The following DCHS2 variants were observed in gnomAD, a reference collection of about 807,000 sequenced individuals.
DCHS2 encodes the protein dachsous cadherin-related 2, also known as protocadherin-23.
Under a neutral mutation model 182.4 loss-of-function variants are expected in DCHS2, and 142 were observed. The observed-to-expected ratio is 0.78, with a 90% confidence interval of 0.68 to 0.89. The LOEUF is 0.89. Ranked by LOEUF, DCHS2 falls within the 40% of genes least tolerant of loss-of-function variation. The pLI is 0.00. For missense variants in DCHS2, 4,319 were observed against 4,198.6 expected, an observed-to-expected ratio of 1.03 and a Z score of -0.79; for synonymous variants, 1,740 against 1,663.3, an observed-to-expected ratio of 1.05 and a Z score of -1.12.
intron 13 of DCHS2, among the ~76,000 whole-genome samples, chr4:154,291,996 G>T (rs1349963191): frequency 6.6e-6 from 1 of 152,012 alleles, no homozygotes; most frequent in East Asian, 1.9e-4. Flanking sequence ...TGAGGAGATG[G>T]ATACTCCATT....
intron 1 of DCHS2, among the ~76,000 whole-genome samples, chr4:154,410,674 A>G (rs1029928260): frequency 6.6e-5 from 10 of 151,780 alleles, no homozygotes; most frequent in Admixed American, 2.0e-4. Flanking sequence ...TTGCAGAAAG[A>G]GAAGAGAAAA....
chr4:154,333,478 G>C lies in DCHS2; in HGVS notation c.2730C>G (p.Ile910Met). ...AREPLNSSEP[I>M]FYRISSGDLG... ...GATCACCAGAAGAAATCCTGTAAAA[G>C]ATTGGTTCTGAGGAGTCTGAAAAAG... Residue 910 changes from isoleucine to methionine, a missense_variant, in exon 5 of 20, where the codon ATC becomes ATG. Physicochemically the swap from Ile to Met is conservative, Grantham distance 10 (BLOSUM62 1). Transcript: ENST00000357232. 6.2e-7 allele frequency: 1 copy of C among 1,612,690 alleles called. No homozygotes were observed. The highest frequency in any genetic ancestry group is 8.5e-7 in the Non-Finnish European group (1 of 1,179,168).
chr4:154,425,056 G>A (rs1733266567), intron 1 of DCHS2, among the ~76,000 whole-genome samples: 2 of 152,216 alleles, frequency 1.3e-5, no homozygotes, highest in Admixed American at 1.3e-4. Context: ...GACAGCAGCA[G>A]ATAAACAGGA....
intron 1 of DCHS2, among the ~76,000 whole-genome samples, chr4:154,387,370 AAT>A (rs1297358734): frequency 6.6e-6 from 1 of 151,562 alleles, no homozygotes; most frequent in African/African-American, 2.4e-5. Context: ...CAGGCAGATC[AAT>A]AGAACACAAA....
chr4:154,251,708 G>A (rs1368748222), intron 16 of DCHS2, among the ~76,000 whole-genome samples: 5 of 151,984 alleles, frequency 3.3e-5, no homozygotes, highest in African/African-American at 7.2e-5. Flanking sequence ...TAGTTGAGAC[G>A]GGGTTTTGCC....
intron 1 of DCHS2, among the ~76,000 whole-genome samples, chr4:154,417,188 TGTGTGTGTGTGTGTGTGAGA>T (rs1732873359): frequency 1.8e-5 from 2 of 111,482 alleles, no homozygotes; most frequent in African/African-American, 3.6e-5. Context: ...TGTGTGTGTG[TGTGTGTGTGTGTGTGTGAGA>T]GAGAGAGAGA....
chr4:154,437,593 T>C (rs1733833662), intron 1 of DCHS2, among the ~76,000 whole-genome samples: 1 of 152,190 alleles, frequency 6.6e-6, no homozygotes, highest in African/African-American at 2.4e-5. Context: ...TTTTAGAATC[T>C]ATACAACCAA....
chr4:154,419,416 T>G (rs1427218248), intron 1 of DCHS2, among the ~76,000 whole-genome samples: 1 of 152,044 alleles, frequency 6.6e-6, no homozygotes, highest in East Asian at 1.9e-4. Flanking sequence ...TTTGTGAGGC[T>G]GAGGCGGGTG....
chr4:154,474,885 A>G (rs1465925578), intron 1 of DCHS2, among the ~76,000 whole-genome samples: 1 of 152,216 alleles, frequency 6.6e-6, no homozygotes, highest in Non-Finnish European at 1.5e-5. Context: ...ATTACAAGCT[A>G]CTATTATAAG....
Position 154,366,455 on chromosome 4 carries a change from G to A in DCHS2, c.2245-14C>T, listed in dbSNP as rs758389070. 6 of 1,581,564 alleles carry A rather than the reference G, an allele frequency of 3.8e-6. No individual in the cohort carries two copies. The highest frequency in any genetic ancestry group is 5.2e-6 in the Non-Finnish European group (6 of 1,152,806). ...ACTTAGCCCACCCTGGTGGATGAAT[G>A]AGTGGTGATTACAAATGGGTTTTTG... On this transcript the variant is annotated splice_polypyrimidine_tract_variant and intron_variant, in intron 2 of 19. Coordinates refer to ENST00000357232, the MANE Select transcript of DCHS2 (RefSeq NM_001358235.2).
In DCHS2 at chr4:154,231,812, C is replaced by T. The variant is rs958956426; in HGVS notation, c.*2724G>A. 1 of 152,098 alleles carries T rather than the reference C, an allele frequency of 6.6e-6. No individual in the cohort carries two copies. The highest frequency in any genetic ancestry group is 1.5e-5 in the Non-Finnish European group (1 of 67,994). The allele number at this position is 152,098 out of a possible 1,614,324, so 9.4% of individuals were successfully genotyped here. On this transcript the variant is annotated 3_prime_UTR_variant, in exon 20 of 20. Coordinates refer to ENST00000357232, the MANE Select transcript of DCHS2 (RefSeq NM_001358235.2). ...TAGATTGAATATGAATACATGGAGG[C>T]AGCCAGTAATGTAGAGTGCATTTTA...
chr4:154,303,872 T>A (rs908279696), intron 12 of DCHS2, among the ~76,000 whole-genome samples: 3 of 152,218 alleles, frequency 2.0e-5, no homozygotes, highest in Non-Finnish European at 4.4e-5. Context: ...CTGATTGTTG[T>A]CTTGCAAATA....
chr4:154,366,453 A>ATGAG lies in DCHS2; in HGVS notation c.2245-16_2245-13dup, dbSNP rs766466894. 1.3e-6 allele frequency: 2 copies of ATGAG among 1,583,484 alleles called. No homozygotes were observed. Among genetic ancestry groups the ATGAG allele is most frequent in the Non-Finnish European group, 1.7e-6 (2 of 1,154,596 alleles). ...GCACTTAGCCCACCCTGGTGGATGAATGAGTGGTGATTACAAATGGGTTTT... is the reference window on the plus strand; with the variant it reads ...GCACTTAGCCCACCCTGGTGGATGAATGAGTGAGTGGTGATTACAAATGGGTTTT... On this transcript the variant is annotated splice_polypyrimidine_tract_variant and intron_variant, in intron 2 of 19. Coordinates refer to ENST00000357232, the MANE Select transcript of DCHS2 (RefSeq NM_001358235.2).
At chr4:154,311,086 G>A (rs1295174604) in intron 10 of DCHS2, among the ~76,000 whole-genome samples, 1 of 152,150 alleles carries the variant, frequency 6.6e-6, no homozygotes, top group Non-Finnish European at 1.5e-5. Flanking sequence ...AGAGTAAAAG[G>A]TGGGAGAGTG....
intron 7 of DCHS2, among the ~76,000 whole-genome samples, chr4:154,325,069 A>T (rs1736224164): frequency 1.3e-5 from 2 of 152,166 alleles, no homozygotes; most frequent in Non-Finnish European, 1.5e-5. Context: ...TTCGATGAAC[A>T]CCAAAGTATC....
At chr4:154,404,773 C>G (rs922801001) in intron 1 of DCHS2, among the ~76,000 whole-genome samples, 1 of 152,164 alleles carries the variant, frequency 6.6e-6, no homozygotes, top group Non-Finnish European at 1.5e-5. Context: ...AAATATCTTC[C>G]TTTATCTGTG....
At chr4:154,308,209 A>T (rs1735526785) in intron 10 of DCHS2, among the ~76,000 whole-genome samples, 1 of 151,458 alleles carries the variant, frequency 6.6e-6, no homozygotes, top group South Asian at 2.1e-4. Context: ...TCTAGTTCTT[A>T]CCTAACTTGT....
At chr4:154,381,342 C>T (rs1731157757) in intron 1 of DCHS2, among the ~76,000 whole-genome samples, 4 of 151,966 alleles carry the variant, frequency 2.6e-5, no homozygotes, top group Admixed American at 2.6e-4. Context: ...CCCCCTGATT[C>T]CATTGTTAGC....
rs1433956137 is a variant in DCHS2, at chr4:154,315,754, C to T, written c.5254G>A (p.Asp1752Asn). 7 of 1,613,006 alleles carry T rather than the reference C, an allele frequency of 4.3e-6. No individual in the cohort carries two copies. Among genetic ancestry groups the T allele is most frequent in the African/African-American group, 2.7e-5 (2 of 74,860 alleles). ...TTCTGTATTTCTAAATTACCTGAATCTCTGTCCAGAGCTTCAACCCTGGTA... is the reference window on the plus strand; with the variant it reads ...TTCTGTATTTCTAAATTACCTGAATTTCTGTCCAGAGCTTCAACCCTGGTA... ...FVTRVEALDR[D>N]SGVNSKLQFE... is the part of the protein sequence containing the mutation. Residue 1752 changes from aspartate (D) to asparagine (N), a missense_variant, in exon 10 of 20, where the codon GAT becomes AAT. Asp to Asn is a conservative substitution (Grantham distance 23, BLOSUM62 1). Coordinates refer to ENST00000357232, the MANE Select transcript of DCHS2 (RefSeq NM_001358235.2).
Sources: allele counts gnomAD v4.1 joint callset (sites outside exome capture counted in the v4.1 genomes callset), GRCh38; gene constraint gnomAD v4.1.1; transcripts MANE v1.5; gene names NCBI Gene and HGNC (gene_info 2026-07-23, HGNC 2026-07-21).